The following GATAD2B variants were observed in gnomAD, a reference collection of about 807,000 sequenced individuals.
GATAD2B encodes transcriptional repressor p66-beta.
GATAD2B carries 8 observed loss-of-function variants against 64.3 expected under a neutral mutation model. The ratio of observed to expected loss-of-function variants is 0.12; its 90% CI spans 0.07 to 0.22. The LOEUF is 0.22. Ranked by LOEUF, GATAD2B falls within the 10% of genes least tolerant of loss-of-function variation. The probability of loss-of-function intolerance (pLI) is 1.00; values close to 1 mark genes in which losing one functional copy is unlikely to be tolerated. For missense variants in GATAD2B, 453 were observed against 752.0 expected (o/e 0.60, Z 4.65); for synonymous variants, 281 against 271.3 (o/e 1.04, Z -0.35).
rs539447236 is a variant in GATAD2B at position 153,817,672 on chromosome 1, T to C, written c.730-130A>G. The C allele has an allele frequency of 1.3e-5, 8 of 609,334 alleles. No homozygotes were observed. In the South Asian group the frequency reaches 1.4e-4, roughly 11 times the overall value. 37.7% of individuals were successfully genotyped at this position (609,334 alleles called of 1,614,324 possible). A position where few individuals can be genotyped will look rare whatever the true frequency, so the allele number is the denominator to read the frequency against. On this transcript the variant is annotated intron_variant, in intron 5 of 10. Coordinates refer to ENST00000368655, the MANE Select transcript of GATAD2B (RefSeq NM_020699.4). ...AGAAACACAGGAACACAGCCAGACT[T>C]GGTAATTTCATTTAATGGTCTATGG...
intron 1 of GATAD2B, among the ~76,000 whole-genome samples, chr1:153,905,585 C>CA (rs1462365080): frequency 6.9e-6 from 1 of 144,458 alleles, no homozygotes; most frequent in Non-Finnish European, 1.5e-5. Context: ...AGAACAAAGT[C>CA]AGACGACTCA....
chr1:153,811,710 T>C, intron 10 of GATAD2B, 21 bp downstream of exon 10: 1 of 1,441,152 alleles, frequency 6.9e-7, no homozygotes, highest in Non-Finnish European at 9.8e-7. Context: ...TGAGAAACAT[T>C]TTCAGATTAA....
chr1:153,915,355 G>A (rs567623447), intron 1 of GATAD2B, among the ~76,000 whole-genome samples: 240 of 152,228 alleles, frequency 1.6e-3, no homozygotes, highest in Admixed American at 5.5e-3. Flanking sequence ...CCTGGGAGGC[G>A]GAGGTTGCAG....
chr1:153,816,213 A>G lies in GATAD2B; in HGVS notation c.1216+60T>C, dbSNP rs572202244. The G allele has an allele frequency of 4.0e-5, 43 of 1,066,390 alleles. No individual in the cohort carries two copies. The East Asian group carries it at 6.6e-4, about 16-fold the overall frequency. 66.1% of individuals were successfully genotyped at this position (1,066,390 alleles called of 1,614,324 possible). A position where few individuals can be genotyped will look rare whatever the true frequency, so the allele number is the denominator to read the frequency against. On this transcript the variant is annotated intron_variant, in intron 7 of 10. Transcript: ENST00000368655. This position sits in a 1 kb window ranked among gnomAD's most constrained non-coding sequence, Gnocchi z 4.9. The stretch of plus-strand genomic sequence containing the variant: ...TACAGTACCCTCTGATACTCTGCCT[A>G]TGTCAATCAGGCTTGGCAACCACTT...
chr1:153,816,824 C>T lies in GATAD2B; in HGVS notation c.901-236G>A, dbSNP rs997928505. 6.6e-6 allele frequency among the ~76,000 whole-genome samples: 1 copy of T among 152,202 alleles called. No homozygotes were observed. Among genetic ancestry groups the T allele is most frequent in the African/African-American group, 2.4e-5 (1 of 41,446 alleles). On this transcript the variant is annotated intron_variant, in intron 6 of 10. Coordinates refer to ENST00000368655, the MANE Select transcript of GATAD2B (RefSeq NM_020699.4). The surrounding 1 kb of genome is among the most constrained non-coding windows in gnomAD (Gnocchi z 4.9). Reference sequence around the variant, plus strand: ...AAAGGCCACGCGTGGTGGCTCACGCCTATAATCTCAGCACTTTGGGAGGCC... The same window carrying T: ...AAAGGCCACGCGTGGTGGCTCACGCTTATAATCTCAGCACTTTGGGAGGCC...
intron 7 of GATAD2B, among the ~76,000 whole-genome samples, chr1:153,815,668 C>T (rs1484947094): frequency 6.6e-6 from 1 of 151,602 alleles, no homozygotes; most frequent in Admixed American, 6.6e-5. Context: ...AAAAAACAAG[C>T]CGAAAGATAG....
At chr1:153,878,773 C>T (rs1417827694) in intron 1 of GATAD2B, among the ~76,000 whole-genome samples, 14 of 105,808 alleles carry the variant, frequency 1.3e-4, no homozygotes, top group African/African-American at 5.1e-4. Flanking sequence ...ATACTTTATT[C>T]CTTTTTTTTT....
chr1:153,907,890 C>T (rs535658993), intron 1 of GATAD2B, among the ~76,000 whole-genome samples: 2 of 152,066 alleles, frequency 1.3e-5, no homozygotes, highest in South Asian at 2.1e-4. Flanking sequence ...TTGCAACCTC[C>T]GCCTCCTGGG....
intron 1 of GATAD2B, among the ~76,000 whole-genome samples, chr1:153,849,142 G>A (rs1675797829): frequency 6.6e-6 from 1 of 152,136 alleles, no homozygotes; most frequent in Admixed American, 6.5e-5. Context: ...GTATGTCACC[G>A]TACCCAGCTT....
intron 1 of GATAD2B, among the ~76,000 whole-genome samples, chr1:153,876,388 T>G (rs890593462): frequency 1.3e-5 from 2 of 152,130 alleles, no homozygotes; most frequent in African/African-American, 4.8e-5. Context: ...ACCAGACTGG[T>G]AAGAGAGTAA....
chr1:153,831,876 C>G (rs1412533174), intron 1 of GATAD2B, among the ~76,000 whole-genome samples: 1 of 152,194 alleles, frequency 6.6e-6, no homozygotes, highest in Non-Finnish European at 1.5e-5. Flanking sequence ...AGCCATGCCT[C>G]ATTTTATTGC....
chr1:153,891,228 G>A (rs1407158023), intron 1 of GATAD2B, among the ~76,000 whole-genome samples: 2 of 150,536 alleles, frequency 1.3e-5, no homozygotes, highest in Non-Finnish European at 3.0e-5. Flanking sequence ...AGGAAAAAGG[G>A]AAGGGAAAGG....
At chr1:153,888,562 G>A (rs1480653641) in intron 1 of GATAD2B, among the ~76,000 whole-genome samples, 1 of 152,084 alleles carries the variant, frequency 6.6e-6, no homozygotes, top group Non-Finnish European at 1.5e-5. Flanking sequence ...GTTCTTTTTA[G>A]GCAAGTCACA....
intron 10 of GATAD2B, 48 bp downstream of exon 10, chr1:153,811,683 A>C (rs1239423696): frequency 4.4e-6 from 5 of 1,130,726 alleles, no homozygotes; most frequent in Non-Finnish European, 6.8e-6. Flanking sequence ...ACTGTATACT[A>C]ACTAACAGCT....
chr1:153,880,921 A>G (rs1223687864), intron 1 of GATAD2B, among the ~76,000 whole-genome samples: 1 of 152,138 alleles, frequency 6.6e-6, no homozygotes, highest in Non-Finnish European at 1.5e-5. Flanking sequence ...TTGCACACAG[A>G]AGCTCTCTCG....
At position 153,807,209 on chromosome 1, in the gene GATAD2B, C is replaced by T. The variant is rs1266797123; in HGVS notation, c.*2968G>A. The stretch of plus-strand genomic sequence containing the variant: ...CCAGGCAGAACTGGTGGGATCCTCA[C>T]TCTACTAATAATGCTCCAAACAGAG... On this transcript the variant is annotated 3_prime_UTR_variant, in exon 11 of 11. Coordinates refer to ENST00000368655, the MANE Select transcript of GATAD2B (RefSeq NM_020699.4). The T allele has an allele frequency of 6.6e-6, 1 of 152,180 alleles. No individual in the cohort carries two copies. The highest frequency in any genetic ancestry group is 2.4e-5 in the African/African-American group (1 of 41,434). 9.4% of individuals were successfully genotyped at this position (152,180 alleles called of 1,614,324 possible). A position where few individuals can be genotyped will look rare whatever the true frequency, so the allele number is the denominator to read the frequency against.
intron 1 of GATAD2B, among the ~76,000 whole-genome samples, chr1:153,840,139 TCTC>T (rs1352734319): frequency 1.4e-5 from 2 of 147,344 alleles, no homozygotes; most frequent in Non-Finnish European, 3.0e-5. Context: ...TTCAAGCGAT[TCTC>T]CTGCCTCAGC....
chr1:153,830,811 T>G (rs1675053762), intron 1 of GATAD2B, among the ~76,000 whole-genome samples: 1 of 152,170 alleles, frequency 6.6e-6, no homozygotes, highest in South Asian at 2.1e-4. Context: ...GGTCTCACTC[T>G]ATCACCCAGG....
At chr1:153,842,355 T>C (rs1675526012) in intron 1 of GATAD2B, among the ~76,000 whole-genome samples, 1 of 152,222 alleles carries the variant, frequency 6.6e-6, no homozygotes, top group African/African-American at 2.4e-5. Flanking sequence ...GAGAGTTCTT[T>C]ATGTATTTTA....
Sources: gnomAD v4.1 joint callset for allele counts (sites outside exome capture counted in the v4.1 genomes callset) on GRCh38, gnomAD v4.1.1 for gene constraint, Gnocchi (gnomAD v3.1) non-coding constraint, MANE v1.5 for transcripts, NCBI Gene and HGNC (gene_info 2026-07-23, HGNC 2026-07-21) for gene names.